FOXN4: variants seen among roughly 807,000 people sequenced by gnomAD.
The protein encoded by FOXN4 is forkhead box N4, also known as forkhead box protein N4.
In FOXN4, 12 loss-of-function variants were observed where a neutral mutation model predicts 45.0. The ratio of observed to expected loss-of-function variants is 0.27; its 90% CI spans 0.17 to 0.43. The LOEUF (loss-of-function observed/expected upper bound fraction) is 0.43, where lower values mean the gene tolerates loss of function less well. FOXN4 is among the 20% of genes least tolerant of loss of function. FOXN4 has a pLI of 1.00. For missense variants in FOXN4, 560 were observed against 694.9 expected (o/e 0.81, Z 2.18); for synonymous variants, 297 against 295.0 (o/e 1.01, Z -0.07).
At position 109,278,135 on chromosome 12, in the gene FOXN4, A is replaced by C. The variant is rs939752960; in HGVS notation, c.*1536T>G. 6.6e-6 allele frequency: 1 copy of C among 152,264 alleles called. No homozygotes were observed. The highest frequency in any genetic ancestry group is 2.4e-5 in the African/African-American group (1 of 41,462). 9.4% of individuals were successfully genotyped at this position (152,264 alleles called of 1,614,324 possible). ...GAGCAGTGCAGGTCAGACGGGTAGC[A>C]CTGGGATTGTGTCTAAGGGTGGTGG... is the stretch of plus-strand genomic sequence containing the variant. On this transcript the variant is annotated 3_prime_UTR_variant, in exon 10 of 10. Transcript: ENST00000299162.
rs1479051665 is a variant in FOXN4, at chr12:109,293,634, AG to A, written c.87-3349del. On this transcript the variant is annotated intron_variant, in intron 2 of 9. Transcript: ENST00000299162. ...TGCCTCAGCCTCCTGAGTAGCTGGAAGTACAGGCACGCGCCACCACGCTGGG... is the reference window on the plus strand; with the variant it reads ...TGCCTCAGCCTCCTGAGTAGCTGGAATACAGGCACGCGCCACCACGCTGGG... Among the ~76,000 whole-genome samples the A allele has an allele frequency of 2.6e-5, 4 of 152,206 alleles. No homozygotes were observed. The East Asian group carries it at 7.7e-4, about 29-fold the overall frequency.
intron 8 of FOXN4, among the ~76,000 whole-genome samples, 189 bp downstream of exon 8, chr12:109,285,115 C>A (rs2047693873): frequency 6.6e-6 from 1 of 151,600 alleles, no homozygotes; most frequent in Admixed American, 6.6e-5. Flanking sequence ...CAGCCAGGTC[C>A]TTCCTCTTCT....
At chr12:109,284,448 T>TGTGTGCGTGCATGTGTGC (rs2047682694) in intron 8 of FOXN4, among the ~76,000 whole-genome samples, 1 of 152,040 alleles carries the variant, frequency 6.6e-6, no homozygotes, top group Non-Finnish European at 1.5e-5. Context: ...TGCATGCATA[T>TGTGTGCGTGCATGTGTGC]GTGTGCGTGC....
chr12:109,296,090 A>G (rs1327089579), intron 2 of FOXN4, among the ~76,000 whole-genome samples: 4 of 152,116 alleles, frequency 2.6e-5, no homozygotes, highest in Admixed American at 2.6e-4. Context: ...CCGATCTCCC[A>G]TGGACCTGTC....
intron 2 of FOXN4, among the ~76,000 whole-genome samples, chr12:109,304,020 A>G (rs1212437508): frequency 6.6e-6 from 1 of 151,726 alleles, no homozygotes; most frequent in African/African-American, 2.4e-5. Flanking sequence ...GTGAAACCCC[A>G]TCTCTACTAA....
chr12:109,291,128 C>T lies in FOXN4; in HGVS notation c.87-842G>A, dbSNP rs560800045. 3.3e-5 allele frequency among the ~76,000 whole-genome samples: 5 copies of T among 152,264 alleles called. No homozygotes were observed. The highest frequency in any genetic ancestry group is 2.1e-4 in the South Asian group (1 of 4,822). On this transcript the variant is annotated intron_variant, in intron 2 of 9. Transcript: ENST00000299162. The surrounding 1 kb of genome is among the most constrained non-coding windows in gnomAD (Gnocchi z 6.6). ...CCAGTTAGGACCCACACCCACCAGCCGCAACAGATTCATGGGCAAAACATC... is the reference window on the plus strand; with the variant it reads ...CCAGTTAGGACCCACACCCACCAGCTGCAACAGATTCATGGGCAAAACATC...
At chr12:109,292,298 CA>C (rs1429503403) in intron 2 of FOXN4, among the ~76,000 whole-genome samples, 1 of 152,166 alleles carries the variant, frequency 6.6e-6, no homozygotes, top group African/African-American at 2.4e-5. Flanking sequence ...GGCTGCCCTC[CA>C]AAGCTCCCTG....
At chr12:109,284,308 A>G (rs59204979) in intron 8 of FOXN4, among the ~76,000 whole-genome samples, 25,888 of 152,104 alleles carry the variant, frequency 0.17, 2,347 homozygotes, top group Middle Eastern at 0.23. Context: ...GGGGAGGCCT[A>G]TTTCATAGGA....
chr12:109,298,358 CTTTGT>C (rs1427443195), intron 2 of FOXN4, among the ~76,000 whole-genome samples: 6 of 103,728 alleles, frequency 5.8e-5, no homozygotes, highest in African/African-American at 1.8e-4. Flanking sequence ...TTTTTTTTTG[CTTTGT>C]TTTGTTTTGT....
At chr12:109,299,287 T>G (rs1393604152) in intron 2 of FOXN4, among the ~76,000 whole-genome samples, 1 of 152,180 alleles carries the variant, frequency 6.6e-6, no homozygotes, top group Admixed American at 6.5e-5. Flanking sequence ...ATATTTTTCC[T>G]TATCAAAACG....
chr12:109,308,129 G>T, intron 2 of FOXN4, 107 bp downstream of exon 2: 1 of 925,956 alleles, frequency 1.1e-6, no homozygotes, highest in Non-Finnish European at 1.6e-6. Flanking sequence ...AAAAATCACA[G>T]AATTGAACAT....
intron 2 of FOXN4, among the ~76,000 whole-genome samples, chr12:109,303,590 G>A (rs1474189976): frequency 6.6e-6 from 1 of 152,210 alleles, no homozygotes; most frequent in Admixed American, 6.5e-5. Context: ...TCTTAGAGCA[G>A]GGACTGAGAT....
chr12:109,297,380 G>A (rs7134393), intron 2 of FOXN4, among the ~76,000 whole-genome samples: 5,776 of 152,236 alleles, frequency 0.038, 304 homozygotes, highest in East Asian at 0.15. Flanking sequence ...TGCTCTTGTC[G>A]CCCAGGCTGG....
intron 8 of FOXN4, among the ~76,000 whole-genome samples, chr12:109,284,603 G>C (rs2047685794): frequency 1.3e-5 from 2 of 149,602 alleles, no homozygotes; most frequent in African/African-American, 5.0e-5. Context: ...GGCTGTCCGG[G>C]CCTCACCAGA....
At chr12:109,301,815 C>G (rs190960077) in intron 2 of FOXN4, among the ~76,000 whole-genome samples, 13 of 152,350 alleles carry the variant, frequency 8.5e-5, no homozygotes, top group Admixed American at 3.9e-4. Context: ...TAGGACCTGA[C>G]GCCCTGTGGG....
chr12:109,304,169 C>A (rs530135490), intron 2 of FOXN4, among the ~76,000 whole-genome samples: 1 of 130,316 alleles, frequency 7.7e-6, no homozygotes, highest in East Asian at 2.3e-4. Context: ...CCAGCCTGGA[C>A]GATAGAGCCA....
chr12:109,308,271 T>C lies in FOXN4; in HGVS notation c.51A>G (p.Ser17=), dbSNP rs1379594061. ...GTGGAGAGGGGTGGTGATTTTGCCC[T>C]GAGTTTCGAATAATTCCTGACATTA... ...SSIMSGIIRN[S]GQNHHPSPQE... is the part of the protein sequence containing the mutation. The change falls in exon 2 of 10, where the codon TCA becomes TCG. Residue 17 remains serine (S), a synonymous_variant. Coordinates refer to ENST00000299162, the MANE Select transcript of FOXN4 (RefSeq NM_213596.3). 2 of 1,552,028 alleles carry C rather than the reference T, an allele frequency of 1.3e-6. No individual in the cohort carries two copies. The highest frequency in any genetic ancestry group is 1.4e-5 in the African/African-American group (1 of 73,016).
At chr12:109,306,914 TG>T (rs1395749970) in intron 2 of FOXN4, among the ~76,000 whole-genome samples, 1 of 152,232 alleles carries the variant, frequency 6.6e-6, no homozygotes, top group Non-Finnish European at 1.5e-5. Context: ...TAGAGGCCCT[TG>T]GCTGTGTGAT....
rs1263945260 is a variant in FOXN4, at chr12:109,287,476, A to AG, written c.516dup (p.Tyr173LeufsTer129). The AG allele has an allele frequency of 6.5e-7, 1 of 1,550,192 alleles. No homozygotes were observed. Among genetic ancestry groups the AG allele is most frequent in the Non-Finnish European group, 8.7e-7 (1 of 1,146,182 alleles). On this transcript the variant is annotated frameshift_variant, in exon 6 of 10. Coordinates refer to ENST00000299162, the MANE Select transcript of FOXN4 (RefSeq NM_213596.3). LOFTEE classifies it high-confidence loss of function. The surrounding 1 kb of genome is among the most constrained non-coding windows in gnomAD (Gnocchi z 4.1). ...TGCACAGCCACGTGGGGCTGGGGGTAGGGGGGCCGCACCCCAAATGGGGGG... is the reference window on the plus strand; with the variant it reads ...TGCACAGCCACGTGGGGCTGGGGGTAGGGGGGGCCGCACCCCAAATGGGGGG...
Sources: gnomAD v4.1 joint callset for allele counts (sites outside exome capture counted in the v4.1 genomes callset) on GRCh38, gnomAD v4.1.1 for gene constraint, Gnocchi (gnomAD v3.1) non-coding constraint, MANE v1.5 for transcripts, NCBI Gene and HGNC (gene_info 2026-07-23, HGNC 2026-07-21) for gene names.